The following DNAH9 variants were observed in gnomAD, a reference collection of about 807,000 sequenced individuals.
DNAH9 encodes the protein DNAH9 variant protein.
A neutral mutation model predicts 471.6 loss-of-function variants in DNAH9; 345 were observed. That is an observed-to-expected ratio of 0.73 (90% CI 0.67 to 0.80). The LOEUF is 0.80. DNAH9 is among the 30% of genes least tolerant of loss of function. The pLI is 0.00. For synonymous variants in DNAH9, 2,093 were observed against 2,123.6 expected (o/e 0.99, Z 0.40); for missense variants, 5,407 against 5,609.2 (o/e 0.96, Z 1.15).
intron 52 of DNAH9, among the ~76,000 whole-genome samples, chr17:11,873,968 G>A (rs1476819350): frequency 2.0e-5 from 3 of 152,080 alleles, no homozygotes; most frequent in Non-Finnish European, 2.9e-5. Flanking sequence ...AAGTGAGCCC[G>A]GCGTGGTGGG....
intron 39 of DNAH9, among the ~76,000 whole-genome samples, chr17:11,781,975 AG>A (rs1377037388): frequency 6.6e-6 from 1 of 151,556 alleles, no homozygotes; most frequent in Admixed American, 6.6e-5. Context: ...TAATGGCAAA[AG>A]TCTGAACTTA....
chr17:11,818,912 T>TTAC (rs951175821), intron 45 of DNAH9, among the ~76,000 whole-genome samples: 2 of 150,028 alleles, frequency 1.3e-5, no homozygotes, highest in African/African-American at 2.5e-5. Flanking sequence ...ATTATTATTA[T>TTAC]TTGCAGTTTT....
rs2150997945 is a variant in DNAH9 at position 11,883,809 on chromosome 17, T to C, written c.10971+59T>C. 1.9e-6 allele frequency: 3 copies of C among 1,553,230 alleles called. No homozygotes were observed. The East Asian group carries it at 6.8e-5, about 35-fold the overall frequency. On this transcript the variant is annotated intron_variant, in intron 56 of 68. Transcript: ENST00000262442. ...CTAGGCTGGGGTCCTCCTACAATTT[T>C]CTCTCCTCTTAGACAATGAGTCTGA... is the stretch of plus-strand genomic sequence containing the variant.
chr17:11,614,871 A>G (rs910008850), intron 4 of DNAH9, among the ~76,000 whole-genome samples: 1 of 152,230 alleles, frequency 6.6e-6, no homozygotes, highest in African/African-American at 2.4e-5. Context: ...GTGGCCTCTT[A>G]AAGGCACCAA....
Position 11,763,595 on chromosome 17 carries a change from G to A in DNAH9, c.7151G>A (p.Gly2384Glu). The A allele has an allele frequency of 6.2e-7, 1 of 1,614,116 alleles. No individual in the cohort carries two copies. Among genetic ancestry groups the A allele is most frequent in the South Asian group, 1.1e-5 (1 of 91,078 alleles). The change falls in exon 36 of 69, where the codon GGA (glycine) becomes GAA (glutamate). Residue 2384 changes from glycine to glutamate, a missense_variant. By Grantham distance (98) the Gly-to-Glu change is moderately conservative (BLOSUM62 -2). Coordinates refer to ENST00000262442, the MANE Select transcript of DNAH9 (RefSeq NM_001372.4). ...FVFAAIWAFG[G>E]AMVQDQLVDY... ...TTTGCTGCCATCTGGGCTTTCGGCG[G>A]AGCAATGGTCCAAGATCAGGTAAGG...
chr17:11,697,326 C>T (rs1033538458), intron 22 of DNAH9, among the ~76,000 whole-genome samples: 3 of 152,124 alleles, frequency 2.0e-5, no homozygotes, highest in African/African-American at 7.2e-5. Context: ...ATTCATGAGT[C>T]ACAGTGATCA....
chr17:11,685,801 ATTTTTTTT>A (rs66577382), intron 19 of DNAH9, among the ~76,000 whole-genome samples: 8 of 123,626 alleles, frequency 6.5e-5, no homozygotes, highest in Non-Finnish European at 1.2e-4. Flanking sequence ...GGATACATTA[ATTTTTTTT>A]TTTTTTTTTT....
At position 11,618,543 on chromosome 17, in the gene DNAH9, G is replaced by A. The variant is rs930928867; in HGVS notation, c.1116+921G>A. ...AGAAGTTGCAGTGAGCGAAGATTGT[G>A]CCACTGCACTCCAGCTTGGCGACAG... is the stretch of plus-strand genomic sequence containing the variant. On this transcript the variant is annotated intron_variant, in intron 5 of 68. Transcript: ENST00000262442. 2.7e-5 allele frequency among the ~76,000 whole-genome samples: 4 copies of A among 147,928 alleles called. No individual in the cohort carries two copies. The South Asian group carries it at 8.5e-4, about 32-fold the overall frequency.
chr17:11,719,300 A>G (rs1311659983), intron 26 of DNAH9, 34 bp from the exon 27 acceptor site: 6 of 1,607,328 alleles, frequency 3.7e-6, no homozygotes, highest in Non-Finnish European at 4.3e-6. Flanking sequence ...TGGGCCCCCA[A>G]GAATGATGAC....
At chr17:11,627,197 A>G (rs1162327408) in intron 6 of DNAH9, among the ~76,000 whole-genome samples, 1 of 152,240 alleles carries the variant, frequency 6.6e-6, no homozygotes, top group Admixed American at 6.5e-5. Context: ...AAAACAATGT[A>G]AGTATCTATC....
intron 14 of DNAH9, among the ~76,000 whole-genome samples, chr17:11,656,919 G>A (rs572977930): frequency 2.6e-5 from 4 of 151,976 alleles, no homozygotes; most frequent in Non-Finnish European, 4.4e-5. Flanking sequence ...CATTTATTTC[G>A]AGTCTAATTC....
intron 67 of DNAH9, among the ~76,000 whole-genome samples, chr17:11,944,095 A>T (rs1044354418): frequency 1.3e-5 from 2 of 152,118 alleles, no homozygotes; most frequent in East Asian, 3.9e-4. Flanking sequence ...TGAATCTCGG[A>T]GCTTGCCTGG....
At chr17:11,611,875 G>A in intron 4 of DNAH9, 95 bp downstream of exon 4, 1 of 1,305,056 alleles carries the variant, frequency 7.7e-7, no homozygotes, top group Non-Finnish European at 1.1e-6. Context: ...GCAACTTCAA[G>A]TCCTTGTAAA....
intron 12 of DNAH9, 33 bp downstream of exon 12, chr17:11,647,231 T>A (rs1263589562): frequency 6.2e-7 from 1 of 1,601,830 alleles, no homozygotes. Flanking sequence ...TCTTTTGGGT[T>A]CCTGAAGAGT....
intron 49 of DNAH9, among the ~76,000 whole-genome samples, chr17:11,843,462 A>G (rs1971098852): frequency 6.6e-6 from 1 of 152,068 alleles, no homozygotes. Context: ...TTTAAAAGAT[A>G]TGAATAAACA....
chr17:11,700,346 T>G (rs914078622), intron 23 of DNAH9, among the ~76,000 whole-genome samples: 7 of 152,096 alleles, frequency 4.6e-5, no homozygotes, highest in Admixed American at 4.6e-4. Flanking sequence ...TAGTGTCACT[T>G]CCTCCCACAG....
Position 11,809,332 on chromosome 17 carries a change from G to T in DNAH9, c.8584-914G>T, listed in dbSNP as rs138242496. Among the ~76,000 whole-genome samples, 4 of 152,264 alleles carry T rather than the reference G, an allele frequency of 2.6e-5. No individual in the cohort carries two copies. In the East Asian group the frequency reaches 7.7e-4, roughly 29 times the overall value. On this transcript the variant is annotated intron_variant, in intron 44 of 68. Transcript: ENST00000262442. ...TGTAATCCCAGCACTTTGGGAGGCT[G>T]AGGGGAGTGGATCACGAGGTCAGGA...
In DNAH9 at chr17:11,623,670, A is replaced by G. The variant is rs972270384; in HGVS notation, c.1350+3889A>G. Among the ~76,000 whole-genome samples the G allele has an allele frequency of 8.5e-5, 13 of 152,116 alleles. No individual in the cohort carries two copies. In the South Asian group the frequency reaches 1.7e-3, roughly 19 times the overall value. On this transcript the variant is annotated intron_variant, in intron 6 of 68. Transcript: ENST00000262442. The surrounding 1 kb of genome is among the most constrained non-coding windows in gnomAD (Gnocchi z 4.1). ...TCGATGCCTGATTGAAATGGGATTA[A>G]TCTGCTCCTCTCCAGTAAGAATTAT...
At chr17:11,679,085 T>G (rs977491892) in intron 17 of DNAH9, among the ~76,000 whole-genome samples, 5 of 152,196 alleles carry the variant, frequency 3.3e-5, no homozygotes, top group African/African-American at 1.2e-4. Flanking sequence ...TTGTTCTTTG[T>G]TATTTTTCAC....
Sources: allele counts gnomAD v4.1 joint callset (sites outside exome capture counted in the v4.1 genomes callset), GRCh38; gene constraint gnomAD v4.1.1; non-coding constraint Gnocchi (gnomAD v3.1); transcripts MANE v1.5; gene names NCBI Gene and HGNC (gene_info 2026-07-23, HGNC 2026-07-21).